Variants in TTLL1 observed in about 807,000 individuals in gnomAD.
TTLL1 encodes TTL family tubulin polyglutamylase complex subunit L1.
In TTLL1, 33 loss-of-function variants were observed where a neutral mutation model predicts 47.8. That is an observed-to-expected ratio of 0.69 (90% CI 0.52 to 0.92). The LOEUF (loss-of-function observed/expected upper bound fraction) is 0.92, where lower values mean the gene tolerates loss of function less well. Ranked by LOEUF, TTLL1 falls within the 40% of genes least tolerant of loss-of-function variation. The probability of loss-of-function intolerance (pLI) is 0.00; values close to 1 mark genes in which losing one functional copy is unlikely to be tolerated. For missense variants in TTLL1, 488 were observed against 547.5 expected (o/e 0.89, Z 1.08); for synonymous variants, 225 against 214.1 (o/e 1.05, Z -0.45).
intron 1 of TTLL1, among the ~76,000 whole-genome samples, chr22:43,088,350 T>C (rs1268136779): frequency 6.2e-5 from 6 of 96,170 alleles, no homozygotes; most frequent in African/African-American, 2.3e-4. Flanking sequence ...TTTTTTTTTT[T>C]TTTTGAGACA....
chr22:43,041,934 A>G (rs1429963070), intron 10 of TTLL1, among the ~76,000 whole-genome samples: 1 of 152,104 alleles, frequency 6.6e-6, no homozygotes, highest in Admixed American at 6.6e-5. Context: ...CGAAGGAGAG[A>G]CACAGCCATA....
At chr22:43,069,937 C>A in intron 3 of TTLL1, 93 bp from the exon 4 acceptor site, 2 of 1,504,160 alleles carry the variant, frequency 1.3e-6, no homozygotes, top group Non-Finnish European at 8.9e-7. Flanking sequence ...GAACCCTCAG[C>A]ACCCTTCACC....
At chr22:43,078,489 C>G (rs1311471795) in intron 2 of TTLL1, among the ~76,000 whole-genome samples, 2 of 151,770 alleles carry the variant, frequency 1.3e-5, no homozygotes, top group Admixed American at 6.6e-5. Context: ...CAGCAAGACT[C>G]TGTCAGAAAA....
intron 5 of TTLL1, 68 bp from the exon 6 acceptor site, chr22:43,064,392 A>G: frequency 6.5e-7 from 1 of 1,533,598 alleles, no homozygotes; most frequent in Non-Finnish European, 8.8e-7. Flanking sequence ...AATCCAAGAA[A>G]GGAATAACTG....
intron 3 of TTLL1, among the ~76,000 whole-genome samples, chr22:43,073,367 T>TTTA (rs1928264672): frequency 4.2e-5 from 6 of 141,492 alleles, no homozygotes; most frequent in African/African-American, 1.6e-4. Context: ...TTATTTATTT[T>TTTA]ATTTTTTGAG....
intron 1 of TTLL1, 23 bp from the exon 2 acceptor site, chr22:43,080,009 A>C (rs1262107952): frequency 2.0e-5 from 3 of 151,688 alleles, no homozygotes; most frequent in African/African-American, 7.3e-5. Context: ...ACACAGATGA[A>C]ATGTACATCA....
At chr22:43,083,298 G>A (rs566839590) in intron 1 of TTLL1, among the ~76,000 whole-genome samples, 41 of 152,268 alleles carry the variant, frequency 2.7e-4, no homozygotes, top group African/African-American at 9.4e-4. Flanking sequence ...GAACCTGGGA[G>A]GTAGAGCTTG....
intron 8 of TTLL1, among the ~76,000 whole-genome samples, chr22:43,053,009 G>A (rs1444713542): frequency 2.0e-5 from 3 of 150,770 alleles, no homozygotes; most frequent in Admixed American, 6.6e-5. Flanking sequence ...GCAGTAAGCC[G>A]AGACTGCGCC....
intron 2 of TTLL1, among the ~76,000 whole-genome samples, chr22:43,076,052 G>A (rs1039505204): frequency 1.3e-5 from 2 of 152,194 alleles, no homozygotes; most frequent in African/African-American, 2.4e-5. Flanking sequence ...GGGGACCCTC[G>A]GGCCGACTTC....
At chr22:43,067,764 G>C (rs1377926980) in intron 5 of TTLL1, among the ~76,000 whole-genome samples, 1 of 151,880 alleles carries the variant, frequency 6.6e-6, no homozygotes, top group African/African-American at 2.4e-5. Flanking sequence ...CTGAGGTCAG[G>C]AGTTTGAGAC....
At chr22:43,082,138 C>G (rs915389423) in intron 1 of TTLL1, among the ~76,000 whole-genome samples, 3 of 151,010 alleles carry the variant, frequency 2.0e-5, no homozygotes, top group Non-Finnish European at 4.4e-5. Flanking sequence ...TGGTGTGAGT[C>G]ACCGCACCTG....
rs1294550121 is a variant in TTLL1 at position 43,051,722 on chromosome 22, A to G, written c.978+79T>C. The G allele has an allele frequency of 6.0e-6, 8 of 1,339,068 alleles. No homozygotes were observed. The African/African-American group carries it at 1.0e-4, about 17-fold the overall frequency. 82.9% of individuals were successfully genotyped at this position (1,339,068 alleles called of 1,614,324 possible). On this transcript the variant is annotated intron_variant, in intron 9 of 10. Coordinates refer to ENST00000266254, the MANE Select transcript of TTLL1 (RefSeq NM_012263.5). Reference sequence around the variant, plus strand: ...CTGAGAAACATCTGGGGCCTGGGGGACTGCTGGGCCCGAATCGGGGCAGAA... The same window carrying G: ...CTGAGAAACATCTGGGGCCTGGGGGGCTGCTGGGCCCGAATCGGGGCAGAA...
rs1011678488 is a variant in TTLL1, at chr22:43,068,517, G to C, written c.396C>G (p.Ser132=). ...CACAAGGCTTCATGATCCAGGTGCT[G>C]GACGGGCTCTTCCGGAACTCCTCTA... ...LFVEEFRKSP[S]STWIMKPCGK... is the part of the protein sequence containing the mutation. Residue 132 remains serine (S), a synonymous_variant, in exon 5 of 11, where the codon TCC becomes TCG. Transcript: ENST00000266254. The C allele has an allele frequency of 6.4e-7, 1 of 1,572,540 alleles. No individual in the cohort carries two copies. Among genetic ancestry groups the C allele is most frequent in the African/African-American group, 1.3e-5 (1 of 74,290 alleles).
chr22:43,039,951 G>A (rs1290473363), intron 10 of TTLL1, 46 bp from the exon 11 acceptor site: 2 of 1,593,396 alleles, frequency 1.3e-6, no homozygotes, highest in East Asian at 2.3e-5. Flanking sequence ...TCTTTCAAAG[G>A]CAACAGGCAG....
At chr22:43,058,419 C>T (rs564535724) in intron 8 of TTLL1, among the ~76,000 whole-genome samples, 4 of 152,288 alleles carry the variant, frequency 2.6e-5, no homozygotes, top group African/African-American at 9.6e-5. Flanking sequence ...CATTTCCAGC[C>T]CGAAATATCT....
chr22:43,059,329 C>A (rs909954473), intron 8 of TTLL1, 55 bp downstream of exon 8: 2 of 1,568,096 alleles, frequency 1.3e-6, no homozygotes, highest in African/African-American at 2.7e-5. Context: ...ACAGCAAGCC[C>A]CCCCACTCCC....
chr22:43,045,720 G>A (rs1317944164), intron 10 of TTLL1, among the ~76,000 whole-genome samples: 7 of 151,980 alleles, frequency 4.6e-5, no homozygotes, highest in East Asian at 1.9e-4. Flanking sequence ...CAGGTGACCC[G>A]TGAGAAACAC....
intron 10 of TTLL1, among the ~76,000 whole-genome samples, chr22:43,040,614 T>G (rs1386328950): frequency 1.3e-5 from 2 of 152,004 alleles, no homozygotes; most frequent in African/African-American, 2.4e-5. Flanking sequence ...CCCAGCAAAT[T>G]TTTGTATTTT....
intron 6 of TTLL1, 102 bp from the exon 7 acceptor site, chr22:43,064,023 C>A: frequency 6.8e-7 from 1 of 1,475,460 alleles, no homozygotes; most frequent in South Asian, 1.2e-5. Context: ...GTGATTTACA[C>A]GACTCACATC....
Sources: gnomAD v4.1 joint callset for allele counts (sites outside exome capture counted in the v4.1 genomes callset) on GRCh38, gnomAD v4.1.1 for gene constraint, MANE v1.5 for transcripts, NCBI Gene and HGNC (gene_info 2026-07-23, HGNC 2026-07-21) for gene names.